AIG1: variants seen among roughly 807,000 people sequenced by gnomAD.
AIG1 encodes the protein androgen-induced gene 1 protein.
In AIG1, 23 loss-of-function variants were observed where a neutral mutation model predicts 31.4. The observed-to-expected ratio is 0.73, with a 90% CI of 0.53 to 1.04. The LOEUF (loss-of-function observed/expected upper bound fraction) is 1.04, where lower values mean the gene tolerates loss of function less well. Ranked by LOEUF, AIG1 falls within the 50% of genes least tolerant of loss-of-function variation. The probability of loss-of-function intolerance (pLI) is 0.00; values close to 1 mark genes in which losing one functional copy is unlikely to be tolerated. For synonymous variants in AIG1, 100 were observed against 110.5 expected (o/e 0.90, Z 0.60); for missense variants, 274 against 295.0 (o/e 0.93, Z 0.52).
chr6:143,078,812 C>T (rs746489922), intron 1 of AIG1, among the ~76,000 whole-genome samples: 1 of 152,174 alleles, frequency 6.6e-6, no homozygotes, highest in Non-Finnish European at 1.5e-5. Context: ...GGGACACAGC[C>T]AAACCATATC....
chr6:143,285,370 G>C (rs1797614336), intron 4 of AIG1, among the ~76,000 whole-genome samples: 1 of 150,314 alleles, frequency 6.7e-6, no homozygotes, highest in African/African-American at 2.4e-5. Context: ...ATGTGGTAAA[G>C]CTCCTCCCCA....
At chr6:143,187,623 C>T in intron 3 of AIG1, 1 of 1,536,146 alleles carries the variant, frequency 6.5e-7, no homozygotes, top group Non-Finnish European at 8.7e-7. Flanking sequence ...ACCTTTCTTT[C>T]TGCAGCATTT....
At chr6:143,125,254 A>G (rs1403837623) in intron 1 of AIG1, among the ~76,000 whole-genome samples, 2 of 152,174 alleles carry the variant, frequency 1.3e-5, no homozygotes, top group African/African-American at 2.4e-5. Flanking sequence ...GCTTATCACT[A>G]TTATTGTGCT....
chr6:143,102,446 G>A (rs1027817746), intron 1 of AIG1, among the ~76,000 whole-genome samples: 3 of 146,272 alleles, frequency 2.1e-5, no homozygotes, highest in Non-Finnish European at 3.0e-5. Context: ...ATTGTTCAGG[G>A]CCTCTTAGGA....
At chr6:143,155,013 A>ATTT (rs61017846) in intron 2 of AIG1, among the ~76,000 whole-genome samples, 2 of 123,974 alleles carry the variant, frequency 1.6e-5, no homozygotes, top group Admixed American at 7.9e-5. Flanking sequence ...ACATCTGGCT[A>ATTT]TTTTTTTTTT....
chr6:143,260,163 A>G (rs1045970178), intron 3 of AIG1, among the ~76,000 whole-genome samples: 1 of 151,796 alleles, frequency 6.6e-6, no homozygotes. Context: ...AGCTGGGACT[A>G]CAGGTGCCCA....
intron 3 of AIG1, among the ~76,000 whole-genome samples, chr6:143,234,235 G>A (rs1793654518): frequency 6.6e-6 from 1 of 152,182 alleles, no homozygotes; most frequent in Non-Finnish European, 1.5e-5. Flanking sequence ...TAGGCAATTA[G>A]CCTTTTCAAA....
rs1776711979 is a variant in AIG1 at position 143,327,576 on chromosome 6, A to C, written c.516-5706A>C. On this transcript the variant is annotated intron_variant, in intron 4 of 5. Transcript: ENST00000357847. This position sits in a 1 kb window ranked among gnomAD's most constrained non-coding sequence, Gnocchi z 5.3. ...TATTCTGAGGATGAAGATTCACCAA[A>C]TAAGCTCTATACTTCAGTTACCTAT... The C allele has an allele frequency of 2.7e-6, 1 of 371,822 alleles. No homozygotes were observed. Among genetic ancestry groups the C allele is most frequent in the South Asian group, 2.5e-5 (1 of 40,742 alleles). 23.0% of individuals were successfully genotyped at this position (371,822 alleles called of 1,614,324 possible).
At chr6:143,192,343 G>A (rs112829229) in intron 3 of AIG1, among the ~76,000 whole-genome samples, 4 of 152,152 alleles carry the variant, frequency 2.6e-5, no homozygotes, top group African/African-American at 7.2e-5. Context: ...GGTGGCTCAC[G>A]CCTGCAATCC....
rs191879123 is a variant in AIG1 at position 143,168,728 on chromosome 6, A to G, written c.399+3545A>G. On this transcript the variant is annotated intron_variant, in intron 3 of 5. Transcript: ENST00000357847. The stretch of plus-strand genomic sequence containing the variant: ...TGAGGTGGGGGGATTGCTTGAGCCC[A>G]TGAGATCAAGGCTATAGTGAACCAT... 5.5e-3 allele frequency among the ~76,000 whole-genome samples: 838 copies of G among 152,158 alleles called. 11 individuals carry two copies. The highest frequency in any genetic ancestry group is 0.017 in the African/African-American group (695 of 41,528).
chr6:143,226,379 A>G (rs994285849), intron 3 of AIG1, among the ~76,000 whole-genome samples: 2 of 151,676 alleles, frequency 1.3e-5, no homozygotes, highest in Non-Finnish European at 2.9e-5. Flanking sequence ...AGCTGCGACT[A>G]CAGGCGTGCC....
intron 3 of AIG1, among the ~76,000 whole-genome samples, chr6:143,216,062 C>T (rs886107210): frequency 1.3e-5 from 2 of 151,758 alleles, no homozygotes; most frequent in Non-Finnish European, 2.9e-5. Context: ...GATTTTGAGT[C>T]CTTGTGATAT....
At chr6:143,061,617 C>T (rs1379374729) in intron 1 of AIG1, 8 of 288,632 alleles carry the variant, frequency 2.8e-5, no homozygotes, top group Non-Finnish European at 5.6e-5. Flanking sequence ...CCCCCATTGT[C>T]AATAATTTAC....
chr6:143,075,261 G>A (rs186116249), intron 1 of AIG1, among the ~76,000 whole-genome samples: 19 of 151,742 alleles, frequency 1.3e-4, no homozygotes, highest in African/African-American at 1.5e-4. Context: ...GATTTTTTTC[G>A]TCTATTTTTA....
rs973019051 is a variant in AIG1 at position 143,293,544 on chromosome 6, G to A, written c.515+9319G>A. Among the ~76,000 whole-genome samples the A allele has an allele frequency of 5.3e-5, 8 of 152,166 alleles. No homozygotes were observed. Among genetic ancestry groups the A allele is most frequent in the African/African-American group, 9.7e-5 (4 of 41,432 alleles). The stretch of plus-strand genomic sequence containing the variant: ...TGTCTTGCCCTTGGTGCCTGAGAAT[G>A]TCCACTTGGGTGTTGGTCAAATCAG... On this transcript the variant is annotated intron_variant, in intron 4 of 5. Coordinates refer to ENST00000357847, the MANE Select transcript of AIG1 (RefSeq NM_016108.4). This position sits in a 1 kb window ranked among gnomAD's most constrained non-coding sequence, Gnocchi z 4.8.
chr6:143,084,265 C>T (rs1225219198), intron 1 of AIG1, among the ~76,000 whole-genome samples: 1 of 152,184 alleles, frequency 6.6e-6, no homozygotes, highest in African/African-American at 2.4e-5. Context: ...GGACCTTCAT[C>T]CCCTGGGGCA....
intron 3 of AIG1, among the ~76,000 whole-genome samples, chr6:143,270,710 G>A (rs1373318427): frequency 2.6e-5 from 4 of 152,216 alleles, no homozygotes; most frequent in Non-Finnish European, 4.4e-5. Flanking sequence ...ATTTCTCTAA[G>A]AGCTTTAATT....
intron 2 of AIG1, among the ~76,000 whole-genome samples, chr6:143,146,042 T>C (rs1261301158): frequency 6.6e-6 from 1 of 152,170 alleles, no homozygotes; most frequent in Non-Finnish European, 1.5e-5. Context: ...TTTCTAAAGC[T>C]CCATATAAAA....
chr6:143,203,215 A>G (rs960298139), intron 3 of AIG1, among the ~76,000 whole-genome samples: 9 of 152,340 alleles, frequency 5.9e-5, no homozygotes, highest in African/African-American at 2.2e-4. Context: ...CTGTAGTTTC[A>G]GCAGCTGAAT....
Sources: gnomAD v4.1 joint callset for allele counts (sites outside exome capture counted in the v4.1 genomes callset) on GRCh38, gnomAD v4.1.1 for gene constraint, Gnocchi (gnomAD v3.1) non-coding constraint, MANE v1.5 for transcripts, NCBI Gene and HGNC (gene_info 2026-07-23, HGNC 2026-07-21) for gene names.